Variants in CLEC16A observed in about 807,000 individuals in gnomAD.
CLEC16A encodes the protein C-type lectin domain containing 16A, also known as protein CLEC16A.
In CLEC16A, 51 loss-of-function variants were observed where a neutral mutation model predicts 109.5. The ratio of observed to expected loss-of-function variants is 0.47; its 90% CI spans 0.37 to 0.59. CLEC16A has a LOEUF of 0.59. Among genes scored for constraint, CLEC16A ranks in the 20% least tolerant of loss-of-function variants. The pLI is 0.00. For missense variants in CLEC16A, 1,339 were observed against 1,394.0 expected, an observed-to-expected ratio of 0.96 and a Z score of 0.63; for synonymous variants, 673 against 564.2, an observed-to-expected ratio of 1.19 and a Z score of -2.73.
chr16:11,145,144 G>A (rs935790797), intron 22 of CLEC16A, among the ~76,000 whole-genome samples: 5 of 152,136 alleles, frequency 3.3e-5, no homozygotes, highest in African/African-American at 1.2e-4. Flanking sequence ...CCCTGCTCCC[G>A]ATTACCTGTC....
At chr16:11,039,487 G>A (rs2047200870) in intron 13 of CLEC16A, among the ~76,000 whole-genome samples, 1 of 152,168 alleles carries the variant, frequency 6.6e-6, no homozygotes, top group African/African-American at 2.4e-5. Context: ...GCCAAGAGGG[G>A]ACAGGCGCAG....
At chr16:10,948,038 C>CAT (rs2041497765) in intron 1 of CLEC16A, among the ~76,000 whole-genome samples, 1 of 151,988 alleles carries the variant, frequency 6.6e-6, no homozygotes, top group Non-Finnish European at 1.5e-5. Context: ...GGACTACAGG[C>CAT]GCCCGCCACC....
At position 10,994,100 on chromosome 16, in the gene CLEC16A, A is replaced by C. The variant is rs2044190597; in HGVS notation, c.1072-8974A>C. Among the ~76,000 whole-genome samples, 3 of 152,184 alleles carry C rather than the reference A, an allele frequency of 2.0e-5. 1 individual carries two copies. The highest frequency in any genetic ancestry group is 2.0e-4 in the Admixed American group (3 of 15,278). On this transcript the variant is annotated intron_variant, in intron 10 of 23. Transcript: ENST00000409790. ...CTGTTCCAATTCCTGAGAGATGGAC[A>C]TTTCCTTGCTTTACGCCTCTGCAGC...
rs148464037 is a variant in CLEC16A, at chr16:11,083,802, G to T, written c.2116+22780G>T. 5.5e-3 allele frequency among the ~76,000 whole-genome samples: 833 copies of T among 152,308 alleles called. 4 individuals carry two copies. The highest frequency in any genetic ancestry group is 8.8e-3 in the Non-Finnish European group (600 of 68,020). ...GCCTGTGGCGCTCCCCTGTCCGCTG[G>T]GAGGCAGGGAGGCTGGCCCAGGGGG... On this transcript the variant is annotated intron_variant, in intron 19 of 23. Transcript: ENST00000409790.
At chr16:11,109,923 G>T (rs998106964) in intron 19 of CLEC16A, among the ~76,000 whole-genome samples, 1 of 152,206 alleles carries the variant, frequency 6.6e-6, no homozygotes, top group Non-Finnish European at 1.5e-5. Context: ...TGCTGGCCTG[G>T]ATATCCCCCT....
chr16:11,001,714 C>G (rs1011705276), intron 10 of CLEC16A, among the ~76,000 whole-genome samples: 3 of 152,288 alleles, frequency 2.0e-5, no homozygotes, highest in Admixed American at 1.3e-4. Flanking sequence ...CGATCTCGCT[C>G]ACTGAAGCCT....
At chr16:11,139,864 T>A (rs2053741378) in intron 22 of CLEC16A, among the ~76,000 whole-genome samples, 1 of 152,214 alleles carries the variant, frequency 6.6e-6, no homozygotes, top group South Asian at 2.1e-4. Context: ...GGTCCCAGGA[T>A]AAAAATCCTA....
At chr16:11,133,353 A>AAT (rs1555498410) in intron 22 of CLEC16A, among the ~76,000 whole-genome samples, 1 of 149,098 alleles carries the variant, frequency 6.7e-6, no homozygotes, top group African/African-American at 2.5e-5. Flanking sequence ...AAAAAAAAAA[A>AAT]TTTTTTTTTT....
intron 19 of CLEC16A, among the ~76,000 whole-genome samples, chr16:11,063,227 A>T (rs1368183591): frequency 6.7e-6 from 1 of 150,216 alleles, no homozygotes; most frequent in East Asian, 2.0e-4. Context: ...ACGTGGTACT[A>T]GGATAAGATA....
At chr16:10,979,485 C>T (rs1465725461) in intron 9 of CLEC16A, 103 bp downstream of exon 9, 2 of 984,476 alleles carry the variant, frequency 2.0e-6, no homozygotes, top group East Asian at 2.7e-5. Flanking sequence ...TCTTCTCTGT[C>T]CCCCCCATGC....
intron 19 of CLEC16A, among the ~76,000 whole-genome samples, chr16:11,103,677 C>T (rs1397082812): frequency 1.3e-5 from 2 of 152,204 alleles, no homozygotes; most frequent in Non-Finnish European, 2.9e-5. Context: ...TCCTGGTCTT[C>T]CCCTGCTGTG....
intron 22 of CLEC16A, among the ~76,000 whole-genome samples, chr16:11,135,591 G>A (rs147695458): frequency 7.7e-4 from 117 of 152,306 alleles, no homozygotes; most frequent in African/African-American, 2.5e-3. Flanking sequence ...CTGCCAAAGC[G>A]ACTGTATGCC....
intron 22 of CLEC16A, among the ~76,000 whole-genome samples, chr16:11,137,925 A>T (rs1314603686): frequency 6.6e-6 from 1 of 152,246 alleles, no homozygotes; most frequent in African/African-American, 2.4e-5. Flanking sequence ...AAAGGCAGAG[A>T]TGCAGCAATA....
chr16:11,152,520 C>T (rs560030778), intron 22 of CLEC16A, among the ~76,000 whole-genome samples: 5 of 152,368 alleles, frequency 3.3e-5, no homozygotes, highest in Admixed American at 2.6e-4. Context: ...AGGACATTGA[C>T]ATCTGGTGGG....
At chr16:10,973,582 T>A in intron 7 of CLEC16A, among the ~76,000 whole-genome samples, 1 of 152,062 alleles carries the variant, frequency 6.6e-6, no homozygotes, top group Non-Finnish European at 1.5e-5. Context: ...TTTTTTTTCT[T>A]TTTTGAGACA....
At chr16:11,129,801 C>A (rs187092002) in intron 22 of CLEC16A, among the ~76,000 whole-genome samples, 1 of 145,886 alleles carries the variant, frequency 6.9e-6, no homozygotes, top group Non-Finnish European at 1.5e-5. Context: ...CTCTCTCTGT[C>A]GCCCAGGCTG....
At chr16:11,063,363 G>C (rs7189396) in intron 19 of CLEC16A, among the ~76,000 whole-genome samples, 147,903 of 148,528 alleles carry the variant, frequency 1, 73,643 homozygotes, top group Middle Eastern at 1. Flanking sequence ...AATCACCCTA[G>C]TGTGCAATCT....
At chr16:11,027,141 G>A (rs527271173) in intron 13 of CLEC16A, 2 of 1,462,890 alleles carry the variant, frequency 1.4e-6, no homozygotes, top group East Asian at 2.3e-5. Flanking sequence ...GGCAAAGAAG[G>A]AGCAGAAGAA....
intron 22 of CLEC16A, among the ~76,000 whole-genome samples, chr16:11,154,396 C>G (rs1289662449): frequency 2.0e-5 from 3 of 152,174 alleles, no homozygotes; most frequent in Non-Finnish European, 4.4e-5. Flanking sequence ...TTTTAAGAAT[C>G]TAGATGAAAA....
Sources: gnomAD v4.1 joint callset for allele counts (sites outside exome capture counted in the v4.1 genomes callset) on GRCh38, gnomAD v4.1.1 for gene constraint, MANE v1.5 for transcripts, NCBI Gene and HGNC (gene_info 2026-07-23, HGNC 2026-07-21) for gene names.